Variants in ZNF71 observed in about 807,000 individuals in gnomAD.
ZNF71 encodes zinc finger protein 71.
In ZNF71, 3 loss-of-function variants were observed where a neutral mutation model predicts 6.7. The observed-to-expected ratio is 0.45, with a 90% CI of 0.20 to 1.16. The LOEUF is 1.16. ZNF71 is among the 50% of genes most tolerant of loss of function. ZNF71 has a pLI of 0.25. For synonymous variants in ZNF71, 343 were observed against 311.1 expected (o/e 1.10, Z -1.08); for missense variants, 688 against 728.6 (o/e 0.94, Z 0.64).
rs751103602 is a variant in ZNF71, at chr19:56,622,105, C to T, written c.998C>T (p.Pro333Leu). Residue 333 changes from proline to leucine, a missense_variant, in exon 4 of 4, where the codon CCC (proline) becomes CTC (leucine). Coordinates refer to ENST00000599599, the MANE Select transcript of ZNF71 (RefSeq NM_001370215.1). ...ACCGGGGAGAAGCCGTACGTGTGCC[C>T]CGAGTGCGGGCGAGCCTTCAGCCAG... ...THTGEKPYVCPECGRAFSQNM... is the reference protein window; with the variant it reads ...THTGEKPYVCLECGRAFSQNM... The T allele has an allele frequency of 6.3e-7, 1 of 1,598,510 alleles. No homozygotes were observed. The highest frequency in any genetic ancestry group is 1.7e-5 in the Admixed American group (1 of 58,012).
At chr19:56,604,769 C>T (rs752682599) in intron 2 of ZNF71, among the ~76,000 whole-genome samples, 24 of 152,286 alleles carry the variant, frequency 1.6e-4, no homozygotes, top group Admixed American at 3.9e-4. Flanking sequence ...GAAGGGCACC[C>T]TAGGACCATA....
At chr19:56,597,319 A>G (rs539921799) in intron 1 of ZNF71, among the ~76,000 whole-genome samples, 1 of 152,206 alleles carries the variant, frequency 6.6e-6, no homozygotes, top group African/African-American at 2.4e-5. Flanking sequence ...ATTTTTTTTT[A>G]TATTAAATTG....
chr19:56,615,519 A>G (rs1289349958), intron 3 of ZNF71, among the ~76,000 whole-genome samples: 1 of 142,640 alleles, frequency 7.0e-6, no homozygotes, highest in East Asian at 2.0e-4. Context: ...TGATGTTTGT[A>G]TATTCTCTTT....
At chr19:56,600,033 T>C (rs1302071737) in intron 1 of ZNF71, among the ~76,000 whole-genome samples, 1 of 151,504 alleles carries the variant, frequency 6.6e-6, no homozygotes, top group Non-Finnish European at 1.5e-5. Flanking sequence ...CACCCTGTTG[T>C]GCTGTCAAAT....
Position 56,622,688 on chromosome 19 carries a change from A to G in ZNF71, c.1581A>G (p.Arg527=), listed in dbSNP as rs1296330007. 6.2e-7 allele frequency: 1 copy of G among 1,612,474 alleles called. No homozygotes were observed. ...QRIHTGEKPY[R]CGECGKTFSR... is the part of the protein sequence containing the mutation. The stretch of plus-strand genomic sequence containing the variant: ...TCCACACGGGCGAGAAGCCCTACCG[A>G]TGCGGCGAGTGCGGGAAGACCTTCA... The change falls in exon 4 of 4, where the codon CGA becomes CGG. Residue 527 remains arginine, a synonymous_variant. Transcript: ENST00000599599.
chr19:56,618,398 G>A lies in ZNF71; in HGVS notation c.161-2870G>A, dbSNP rs1261655255. Among the ~76,000 whole-genome samples the A allele has an allele frequency of 6.6e-6, 1 of 152,226 alleles. No individual in the cohort carries two copies. Among genetic ancestry groups the A allele is most frequent in the Non-Finnish European group, 1.5e-5 (1 of 68,042 alleles). ...TGTTCAGCACTGTGCCAGGCGTGTT[G>A]CCAGTGCTCCATACTCGCTTATCTG... On this transcript the variant is annotated intron_variant, in intron 3 of 3. Coordinates refer to ENST00000599599, the MANE Select transcript of ZNF71 (RefSeq NM_001370215.1). This position sits in a 1 kb window ranked among gnomAD's most constrained non-coding sequence, Gnocchi z 4.6.
intron 2 of ZNF71, among the ~76,000 whole-genome samples, chr19:56,607,500 C>A (rs1392870640): frequency 1.3e-5 from 2 of 152,190 alleles, no homozygotes; most frequent in African/African-American, 4.8e-5. Context: ...GCAGACACAA[C>A]TTCACAACCC....
At chr19:56,597,538 T>G (rs534878019) in intron 1 of ZNF71, among the ~76,000 whole-genome samples, 1 of 152,248 alleles carries the variant, frequency 6.6e-6, no homozygotes, top group Non-Finnish European at 1.5e-5. Flanking sequence ...TGGTTTGTTT[T>G]TTCACAAAGG....
Position 56,621,553 on chromosome 19 carries a change from T to G in ZNF71, c.446T>G (p.Val149Gly). 1 of 1,614,142 alleles carries G rather than the reference T, an allele frequency of 6.2e-7. No individual in the cohort carries two copies. The highest frequency in any genetic ancestry group is 1.1e-5 in the South Asian group (1 of 91,074). Residue 149 changes from valine to glycine, a missense_variant, in exon 4 of 4, where the codon GTC (valine) becomes GGC (glycine). Transcript: ENST00000599599. ...TTTGCCAACCAAGGCTGTGTCCTGG[T>G]CCCACCACGGCTGGACGACCCCACA... ...KAFANQGCVL[V>G]PPRLDDPTEK...
intron 3 of ZNF71, among the ~76,000 whole-genome samples, chr19:56,617,864 C>T (rs1322077313): frequency 6.6e-6 from 1 of 152,126 alleles, no homozygotes; most frequent in South Asian, 2.1e-4. Flanking sequence ...CTGATTTCTC[C>T]AGGTCATGTT....
intron 2 of ZNF71, among the ~76,000 whole-genome samples, chr19:56,606,735 T>A (rs1260909678): frequency 6.6e-6 from 1 of 151,990 alleles, no homozygotes; most frequent in Admixed American, 6.6e-5. Context: ...GCATGGCATG[T>A]GAGTAATGAG....
intron 2 of ZNF71, among the ~76,000 whole-genome samples, chr19:56,607,415 T>C (rs61283952): frequency 0.082 from 12,455 of 152,250 alleles, 1,633 homozygotes; most frequent in African/African-American, 0.28. Context: ...CAGTCATTTG[T>C]TGTACAAACA....
chr19:56,607,038 G>T (rs1914409373), intron 2 of ZNF71, among the ~76,000 whole-genome samples: 1 of 152,126 alleles, frequency 6.6e-6, no homozygotes, highest in South Asian at 2.1e-4. Context: ...ATTTGATCCA[G>T]CAAAATATAA....
In ZNF71 at chr19:56,621,815, C is replaced by A. The variant is rs2044853353; in HGVS notation, c.708C>A (p.His236Gln). 1.2e-6 allele frequency: 2 copies of A among 1,612,098 alleles called. No homozygotes were observed. Among genetic ancestry groups the A allele is most frequent in the Non-Finnish European group, 1.7e-6 (2 of 1,178,236 alleles). Residue 236 changes from histidine to glutamine, a missense_variant, in exon 4 of 4, where the codon CAC (histidine) becomes CAA (glutamine). Transcript: ENST00000599599. ...TCGAGCGCTCGTCCCTCACCATCCA[C>A]CAGCGGGTGCACACGGGCGAGAAGC... is the stretch of plus-strand genomic sequence containing the variant. Reference protein sequence around the residue: ...HFIERSSLTIHQRVHTGEKPY... With the variant: ...HFIERSSLTIQQRVHTGEKPY...
At chr19:56,619,516 G>C (rs1355644509) in intron 3 of ZNF71, among the ~76,000 whole-genome samples, 3 of 152,134 alleles carry the variant, frequency 2.0e-5, no homozygotes, top group Admixed American at 2.0e-4. Context: ...GTTTCGTATC[G>C]GATGTGTTAG....
Position 56,618,719 on chromosome 19 carries a change from C to T in ZNF71, c.161-2549C>T, listed in dbSNP as rs1329862083. 1.6e-5 allele frequency among the ~76,000 whole-genome samples: 2 copies of T among 123,542 alleles called. No individual in the cohort carries two copies. Among genetic ancestry groups the T allele is most frequent in the Non-Finnish European group, 3.1e-5 (2 of 63,724 alleles). 81.0% of individuals were successfully genotyped at this position (123,542 alleles called of 152,430 possible). A position where few individuals can be genotyped will look rare whatever the true frequency, so the allele number is the denominator to read the frequency against. On this transcript the variant is annotated intron_variant, in intron 3 of 3. Coordinates refer to ENST00000599599, the MANE Select transcript of ZNF71 (RefSeq NM_001370215.1). The surrounding 1 kb of genome is among the most constrained non-coding windows in gnomAD (Gnocchi z 4.6). Reference sequence around the variant, plus strand: ...GAGGCCCTGAGGCAGGAAGAACACACGGACAAGAGGGAGAGCATGGTGATG... The same window carrying T: ...GAGGCCCTGAGGCAGGAAGAACACATGGACAAGAGGGAGAGCATGGTGATG...
At position 56,613,936 on chromosome 19, in the gene ZNF71, T is replaced by G. The variant is rs1329315893; in HGVS notation, c.158T>G (p.Leu53Arg). ...MLENYRNLVS[L>R]DWETRPEMKE... ...GAGAACTACAGGAACCTGGTCTCAC[T>G]GGGTAAGGGGCAGCTTCGTTGAGTT... Residue 53 changes from leucine to arginine, a missense_variant and splice_region_variant, in exon 3 of 4, where the codon CTG becomes CGG. Physicochemically the swap from Leu to Arg is moderately radical, Grantham distance 102. Transcript: ENST00000599599. This position sits in a 1 kb window ranked among gnomAD's most constrained non-coding sequence, Gnocchi z 4.6. 2 of 1,070,494 alleles carry G rather than the reference T, an allele frequency of 1.9e-6. No individual in the cohort carries two copies. The highest frequency in any genetic ancestry group is 1.5e-4 in the East Asian group (2 of 12,936). The allele number at this position is 1,070,494 out of a possible 1,614,324, so 66.3% of individuals were successfully genotyped here. A position where few individuals can be genotyped will look rare whatever the true frequency, so the allele number is the denominator to read the frequency against.
intron 3 of ZNF71, among the ~76,000 whole-genome samples, chr19:56,615,502 G>A (rs373562203): frequency 4.7e-5 from 7 of 149,926 alleles, no homozygotes; most frequent in South Asian, 2.1e-4. Context: ...CTTTTCCTGC[G>A]CTTATTTGAT....
chr19:56,623,471 T>C lies in ZNF71; in HGVS notation c.*714T>C, dbSNP rs926717197. 6.0e-6 allele frequency: 1 copy of C among 167,044 alleles called. No individual in the cohort carries two copies. The highest frequency in any genetic ancestry group is 1.5e-5 in the Non-Finnish European group (1 of 68,110). 10.3% of individuals were successfully genotyped at this position (167,044 alleles called of 1,614,324 possible). ...AACAGTCTTCTGTTTTGGCCAGTTG[T>C]CTGGTCAAAATCGGCTTCAGTGATT... On this transcript the variant is annotated 3_prime_UTR_variant, in exon 4 of 4. Coordinates refer to ENST00000599599, the MANE Select transcript of ZNF71 (RefSeq NM_001370215.1).
Sources: gnomAD v4.1 joint callset for allele counts (sites outside exome capture counted in the v4.1 genomes callset) on GRCh38, gnomAD v4.1.1 for gene constraint, Gnocchi (gnomAD v3.1) non-coding constraint, MANE v1.5 for transcripts, NCBI Gene and HGNC (gene_info 2026-07-23, HGNC 2026-07-21) for gene names.